The following RBFOX3 variants were observed in gnomAD, a reference collection of about 807,000 sequenced individuals.
RBFOX3 encodes RNA binding protein fox-1 homolog 3.
RBFOX3 carries 17 observed loss-of-function variants against 48.7 expected under a neutral mutation model. That is an observed-to-expected ratio of 0.35 (90% confidence interval 0.24 to 0.52). RBFOX3 has a LOEUF of 0.52. Among genes scored for constraint, RBFOX3 ranks in the 20% least tolerant of loss-of-function variants. The probability of loss-of-function intolerance (pLI) is 0.94; values close to 1 mark genes in which losing one functional copy is unlikely to be tolerated. For missense variants in RBFOX3, 382 were observed against 497.5 expected, an observed-to-expected ratio of 0.77 and a Z score of 2.21; for synonymous variants, 212 against 209.5, an observed-to-expected ratio of 1.01 and a Z score of -0.10.
chr17:79,221,010 A>C (rs2059661706), intron 4 of RBFOX3, among the ~76,000 whole-genome samples: 1 of 152,228 alleles, frequency 6.6e-6, no homozygotes, highest in South Asian at 2.1e-4. Context: ...CCCATCCATG[A>C]GGGACTCCGA....
chr17:79,124,104 G>A lies in RBFOX3; in HGVS notation c.-33-8356C>T, dbSNP rs114335151. Among the ~76,000 whole-genome samples the A allele has an allele frequency of 8.1e-3, 1,229 of 152,348 alleles. 18 individuals carry two copies. The highest frequency in any genetic ancestry group is 0.028 in the African/African-American group (1,167 of 41,574). On this transcript the variant is annotated intron_variant, in intron 4 of 14. Coordinates refer to ENST00000693108, the MANE Select transcript of RBFOX3 (RefSeq NM_001350451.2). ...GGCTGGCTCATCCCAGCATGTGAGT[G>A]CCACTGGGCATGCTCTTTACAACTC...
intron 4 of RBFOX3, among the ~76,000 whole-genome samples, chr17:79,208,052 GT>G (rs906467753): frequency 5.3e-5 from 8 of 152,096 alleles, no homozygotes; most frequent in African/African-American, 1.9e-4. Flanking sequence ...CCCTCCCTTT[GT>G]TCTCCCCTCA....
At chr17:79,420,176 A>ACACACACACACAC (rs1568218047) in intron 2 of RBFOX3, among the ~76,000 whole-genome samples, 20 of 37,560 alleles carry the variant, frequency 5.3e-4, no homozygotes, top group Non-Finnish European at 5.4e-4. Flanking sequence ...CACACACACA[A>ACACACACACACAC]AAGATGGTTA....
chr17:79,095,451 C>T lies in RBFOX3; in HGVS notation c.998+62G>A, dbSNP rs2075029852. On this transcript the variant is annotated intron_variant, in intron 13 of 14. Coordinates refer to ENST00000693108, the MANE Select transcript of RBFOX3 (RefSeq NM_001350451.2). ...TCCTGCCTGTCTGGGCCCAGCTCCC[C>T]AGGGATCCTTGTCCATCTTCTCCCC... 4.1e-6 allele frequency: 6 copies of T among 1,461,858 alleles called. No individual in the cohort carries two copies. The Admixed American group carries it at 6.1e-5, about 15-fold the overall frequency. The allele number at this position is 1,461,858 out of a possible 1,614,324, so 90.6% of individuals were successfully genotyped here.
At position 79,482,751 on chromosome 17, in the gene RBFOX3, A is replaced by C. The variant is rs2078942903; in HGVS notation, c.-319-153T>G. On this transcript the variant is annotated intron_variant, in intron 1 of 14. Coordinates refer to ENST00000693108, the MANE Select transcript of RBFOX3 (RefSeq NM_001350451.2). The surrounding 1 kb of genome is among the most constrained non-coding windows in gnomAD (Gnocchi z 4.1). ...GGGATCGAGGGATTGAGGGATCAGC[A>C]CCCTCCAAAGGGCACTTTGCTTTTT... Among the ~76,000 whole-genome samples the C allele has an allele frequency of 6.6e-6, 1 of 152,064 alleles. No individual in the cohort carries two copies. Among genetic ancestry groups the C allele is most frequent in the Non-Finnish European group, 1.5e-5 (1 of 68,002 alleles).
At chr17:79,222,823 G>C (rs1394289137) in intron 4 of RBFOX3, among the ~76,000 whole-genome samples, 1 of 152,210 alleles carries the variant, frequency 6.6e-6, no homozygotes, top group Non-Finnish European at 1.5e-5. Context: ...TGTGGGGCTG[G>C]AAAGAATGAA....
intron 1 of RBFOX3, among the ~76,000 whole-genome samples, chr17:79,523,523 G>A (rs2086399399): frequency 6.6e-6 from 1 of 152,098 alleles, no homozygotes; most frequent in African/African-American, 2.4e-5. Context: ...TCCTCATGGT[G>A]AGGAGACCCA....
At chr17:79,380,471 G>A (rs950088465) in intron 2 of RBFOX3, among the ~76,000 whole-genome samples, 4 of 152,194 alleles carry the variant, frequency 2.6e-5, no homozygotes, top group Non-Finnish European at 5.9e-5. Flanking sequence ...GGCTGTCAGC[G>A]CCCCTGGCCT....
intron 2 of RBFOX3, among the ~76,000 whole-genome samples, chr17:79,474,108 C>A (rs557966908): frequency 2.7e-5 from 4 of 150,508 alleles, no homozygotes; most frequent in African/African-American, 9.7e-5. Context: ...GAGGAATGCA[C>A]GTGTCAATGC....
chr17:79,240,568 C>T (rs1020056354), intron 3 of RBFOX3, among the ~76,000 whole-genome samples: 4 of 152,246 alleles, frequency 2.6e-5, no homozygotes, highest in Admixed American at 6.5e-5. Flanking sequence ...GACCTCACGT[C>T]AGCCCCATTA....
At chr17:79,583,492 A>T (rs2093145238) in intron 1 of RBFOX3, among the ~76,000 whole-genome samples, 1 of 152,142 alleles carries the variant, frequency 6.6e-6, no homozygotes, top group African/African-American at 2.4e-5. Flanking sequence ...AGAACAGCTA[A>T]CTGGGACCCC....
At chr17:79,650,629 C>T in the RBFOX3 span, among the ~76,000 whole-genome samples, 4 of 152,098 alleles carry the variant, frequency 2.6e-5, no homozygotes, top group Non-Finnish European at 5.9e-5. Context: ...AAGTCTCCGG[C>T]CCCTCCACTG....
At chr17:79,171,223 C>G (rs891051064) in intron 4 of RBFOX3, among the ~76,000 whole-genome samples, 2 of 152,230 alleles carry the variant, frequency 1.3e-5, no homozygotes, top group Non-Finnish European at 2.9e-5. Context: ...ACAGTTTGGA[C>G]TGGGTTACAC....
intron 4 of RBFOX3, among the ~76,000 whole-genome samples, chr17:79,210,388 CT>C (rs1309529974): frequency 1.3e-5 from 2 of 152,168 alleles, no homozygotes; most frequent in African/African-American, 4.8e-5. Context: ...AGGGGTCCTG[CT>C]TTTTCACTTG....
intron 1 of RBFOX3, among the ~76,000 whole-genome samples, chr17:79,527,511 C>T (rs2086961639): frequency 6.6e-6 from 1 of 152,358 alleles, no homozygotes; most frequent in South Asian, 2.1e-4. Context: ...CTCCCTCCCC[C>T]ACCAGCTTTG....
rs763261792 is a variant in RBFOX3 at position 79,249,973 on chromosome 17, C to T, written c.-73-14168G>A. On this transcript the variant is annotated intron_variant, in intron 3 of 14. Transcript: ENST00000693108. This position sits in a 1 kb window ranked among gnomAD's most constrained non-coding sequence, Gnocchi z 4.1. ...ATCCCTGGCATCGCTTTGGCTCTTG[C>T]GAGAGGGAGCCAGTTTTAAGGATGA... is the stretch of plus-strand genomic sequence containing the variant. Among the ~76,000 whole-genome samples, 4 of 152,178 alleles carry T rather than the reference C, an allele frequency of 2.6e-5. No homozygotes were observed. Among genetic ancestry groups the T allele is most frequent in the Non-Finnish European group, 5.9e-5 (4 of 68,042 alleles).
chr17:79,436,856 A>AT (rs2069576363), intron 2 of RBFOX3, among the ~76,000 whole-genome samples: 1 of 152,036 alleles, frequency 6.6e-6, no homozygotes, highest in Admixed American at 6.5e-5. Flanking sequence ...CCCAGGGTTC[A>AT]TTTTTGACAA....
intron 2 of RBFOX3, among the ~76,000 whole-genome samples, chr17:79,309,716 A>C (rs757728976): frequency 3.0e-4 from 45 of 152,188 alleles, no homozygotes; most frequent in Admixed American, 1.2e-3. Context: ...TAACTGGATC[A>C]TGGCGGCAGT....
chr17:79,143,868 A>T (rs115058818), intron 4 of RBFOX3, among the ~76,000 whole-genome samples: 1,838 of 152,348 alleles, frequency 0.012, 37 homozygotes, highest in African/African-American at 0.042. Context: ...CCTGGGCTCA[A>T]GCCAGGACAC....
Sources: gnomAD v4.1 joint callset for allele counts (sites outside exome capture counted in the v4.1 genomes callset) on GRCh38, gnomAD v4.1.1 for gene constraint, Gnocchi (gnomAD v3.1) non-coding constraint, MANE v1.5 for transcripts, NCBI Gene and HGNC (gene_info 2026-07-23, HGNC 2026-07-21) for gene names.